MAGI2: variants seen among roughly 807,000 people sequenced by gnomAD.
MAGI2 encodes membrane associated guanylate kinase, WW and PDZ domain containing 2, also known as membrane-associated guanylate kinase, WW and PDZ domain-containing protein 2.
MAGI2 carries 35 observed loss-of-function variants against 133.3 expected under a neutral mutation model. The ratio of observed to expected loss-of-function variants is 0.26; its 90% confidence interval spans 0.20 to 0.35. MAGI2 has a LOEUF of 0.35. Ranked by LOEUF, MAGI2 falls within the 10% of genes least tolerant of loss-of-function variation. MAGI2 has a pLI of 1.00. For missense variants in MAGI2, 1,636 were observed against 1,863.4 expected (o/e 0.88, Z 2.25); for synonymous variants, 729 against 710.6 (o/e 1.03, Z -0.41).
intron 10 of MAGI2, among the ~76,000 whole-genome samples, chr7:78,220,760 C>A (rs1188349162): frequency 6.6e-6 from 1 of 152,120 alleles, no homozygotes; most frequent in African/African-American, 2.4e-5. Flanking sequence ...GGAAGCGGAG[C>A]AATTTAATGA....
chr7:79,335,769 T>C (rs998856996), intron 1 of MAGI2, among the ~76,000 whole-genome samples: 3 of 152,060 alleles, frequency 2.0e-5, no homozygotes, highest in African/African-American at 7.2e-5. Context: ...CAGTAACTAG[T>C]GCATTACTCT....
chr7:79,197,785 T>C (rs1828218032), intron 1 of MAGI2, among the ~76,000 whole-genome samples: 1 of 152,020 alleles, frequency 6.6e-6, no homozygotes, highest in African/African-American at 2.4e-5. Flanking sequence ...GGCACTTTGT[T>C]TCTGCATCCT....
chr7:79,410,095 A>G (rs916885088), intron 1 of MAGI2: 2 of 152,128 alleles, frequency 1.3e-5, no homozygotes, highest in African/African-American at 4.8e-5. Context: ...ATTTTCTACT[A>G]CTACTACTAC....
intron 1 of MAGI2, among the ~76,000 whole-genome samples, chr7:79,365,785 A>C (rs2527771): frequency 7.1e-6 from 1 of 141,176 alleles, no homozygotes; most frequent in Admixed American, 7.7e-5. Context: ...GCTTGAACCC[A>C]GGTGGTGGAG....
chr7:78,299,355 G>A (rs1293908909), intron 9 of MAGI2, among the ~76,000 whole-genome samples: 2 of 152,098 alleles, frequency 1.3e-5, no homozygotes, highest in African/African-American at 2.4e-5. Flanking sequence ...AGCAGGAAGG[G>A]TATGGCTAAA....
chr7:78,185,381 C>A, intron 13 of MAGI2: 1 of 337,688 alleles, frequency 3.0e-6, no homozygotes, highest in Non-Finnish European at 5.4e-6. Flanking sequence ...GTTTTTAATC[C>A]AGCCTTTTAC....
chr7:79,074,102 G>T (rs1815240205), intron 1 of MAGI2, among the ~76,000 whole-genome samples: 1 of 152,070 alleles, frequency 6.6e-6, no homozygotes, highest in African/African-American at 2.4e-5. Context: ...GAAAAAAAGG[G>T]ACTATATTTT....
At chr7:79,063,468 T>C (rs1365352611) in intron 1 of MAGI2, among the ~76,000 whole-genome samples, 1 of 152,102 alleles carries the variant, frequency 6.6e-6, no homozygotes, top group African/African-American at 2.4e-5. Context: ...CACAGATTTT[T>C]CTCCTCTGGG....
chr7:78,808,148 G>A (rs751119696), intron 2 of MAGI2, among the ~76,000 whole-genome samples: 6 of 152,228 alleles, frequency 3.9e-5, no homozygotes, highest in Admixed American at 6.5e-5. Flanking sequence ...GTTTAAACAA[G>A]TGTTTAAAGG....
chr7:79,229,027 T>C (rs188577545), intron 1 of MAGI2, among the ~76,000 whole-genome samples: 1 of 152,210 alleles, frequency 6.6e-6, no homozygotes, highest in East Asian at 1.9e-4. Context: ...TGTATTTACT[T>C]CTTGTGAACT....
intron 1 of MAGI2, among the ~76,000 whole-genome samples, chr7:79,233,851 T>C (rs1183927093): frequency 2.0e-5 from 3 of 151,496 alleles, no homozygotes; most frequent in Admixed American, 2.0e-4. Flanking sequence ...TGTTAGCTGG[T>C]GATTTTGCTT....
intron 1 of MAGI2, among the ~76,000 whole-genome samples, chr7:79,429,791 C>A (rs1488037505): frequency 6.6e-6 from 1 of 151,912 alleles, no homozygotes; most frequent in Non-Finnish European, 1.5e-5. Flanking sequence ...AAAACTGACT[C>A]TTTTCTAATA....
intron 1 of MAGI2, among the ~76,000 whole-genome samples, chr7:79,089,310 G>T (rs878863895): frequency 2.6e-5 from 4 of 152,138 alleles, no homozygotes; most frequent in Admixed American, 1.3e-4. Flanking sequence ...AACAACAGAT[G>T]CTGGAGAGGA....
At chr7:78,104,088 C>T (rs1192319109) in intron 20 of MAGI2, among the ~76,000 whole-genome samples, 4 of 152,118 alleles carry the variant, frequency 2.6e-5, no homozygotes, top group Non-Finnish European at 5.9e-5. Context: ...GGTGTAATTA[C>T]TGGGGACCAA....
At chr7:78,199,621 A>C (rs1201022679) in intron 11 of MAGI2, among the ~76,000 whole-genome samples, 1 of 152,190 alleles carries the variant, frequency 6.6e-6, no homozygotes, top group African/African-American at 2.4e-5. Context: ...CATTAATGCC[A>C]CGCTTCCTCT....
intron 1 of MAGI2, among the ~76,000 whole-genome samples, chr7:79,251,724 C>T (rs1833287726): frequency 6.6e-6 from 1 of 152,154 alleles, no homozygotes; most frequent in African/African-American, 2.4e-5. Flanking sequence ...TCCAGCAATA[C>T]CACTGCTAGG....
intron 2 of MAGI2, among the ~76,000 whole-genome samples, chr7:78,798,313 T>C (rs1563518288): frequency 6.6e-6 from 1 of 152,140 alleles, no homozygotes; most frequent in Non-Finnish European, 1.5e-5. Flanking sequence ...AAATGACTAG[T>C]CAATTCAGTC....
chr7:79,264,507 T>C (rs1834303805), intron 1 of MAGI2, among the ~76,000 whole-genome samples: 1 of 152,156 alleles, frequency 6.6e-6, no homozygotes, highest in Non-Finnish European at 1.5e-5. Context: ...TTATATTGCC[T>C]AATAAGCATA....
intron 6 of MAGI2, among the ~76,000 whole-genome samples, chr7:78,425,824 T>C (rs2151419621): frequency 6.6e-6 from 1 of 152,354 alleles, no homozygotes; most frequent in Non-Finnish European, 1.5e-5. Flanking sequence ...CAAAATATAC[T>C]GCCCTAGCAA....
Sources: gnomAD v4.1 joint callset for allele counts (sites outside exome capture counted in the v4.1 genomes callset) on GRCh38, gnomAD v4.1.1 for gene constraint, MANE v1.5 for transcripts, NCBI Gene and HGNC (gene_info 2026-07-23, HGNC 2026-07-21) for gene names.